MYBPC3: variants seen among roughly 807,000 people sequenced by gnomAD.
MYBPC3 encodes the protein myosin binding protein C3, also known as myosin-binding protein C, cardiac-type.
A neutral mutation model predicts 159.3 loss-of-function variants in MYBPC3; 108 were observed. The observed-to-expected ratio is 0.68, with a 90% CI of 0.58 to 0.80. MYBPC3 has a LOEUF of 0.80. MYBPC3 is among the 30% of genes least tolerant of loss of function. The pLI, the probability that MYBPC3 is intolerant of heterozygous loss-of-function variation, is 0.00. For synonymous variants in MYBPC3, 730 were observed against 702.0 expected (o/e 1.04, Z -0.63); for missense variants, 1,631 against 1,762.1 (o/e 0.93, Z 1.33).
chr11:47,336,054 G>T (rs749417540), intron 25 of MYBPC3, 43 bp from the exon 26 acceptor site: 15 of 1,393,920 alleles, frequency 1.1e-5, no homozygotes, highest in Non-Finnish European at 1.4e-5. Context: ...GCAAGCCTGG[G>T]GAAGCTGGAG....
chr11:47,334,000 C>A lies in MYBPC3; in HGVS notation c.2916G>T (p.Arg972=). The change falls in exon 28 of 35, where the codon CGG becomes CGT. Residue 972 remains arginine, a synonymous_variant. Coordinates refer to ENST00000545968, the MANE Select transcript of MYBPC3 (RefSeq NM_000256.3). ...VTVQEILQRP[R]LQLPRHLRQT... is the part of the protein sequence containing the mutation. ...GGCGCAGGTGCCTGGGCAGCTGAAGCCGTGGCCGTTCTGTGGGTATAGAGT... is the reference window on the plus strand; with the variant it reads ...GGCGCAGGTGCCTGGGCAGCTGAAGACGTGGCCGTTCTGTGGGTATAGAGT... 1 of 1,577,610 alleles carries A rather than the reference C, an allele frequency of 6.3e-7. No individual in the cohort carries two copies. The highest frequency in any genetic ancestry group is 8.6e-7 in the Non-Finnish European group (1 of 1,161,966).
At position 47,345,428 on chromosome 11, in the gene MYBPC3, C is replaced by T. The variant is rs752634166; in HGVS notation, c.1090+779G>A. On this transcript the variant is annotated intron_variant, in intron 12 of 34. Transcript: ENST00000545968. Reference sequence around the variant, plus strand: ...GGGAGGGACTAACCAGCTCCTCTCCCCGTCCCCATGATCGTGTGTGTTTTG... The same window carrying T: ...GGGAGGGACTAACCAGCTCCTCTCCTCGTCCCCATGATCGTGTGTGTTTTG... Among the ~76,000 whole-genome samples, 70 of 152,286 alleles carry T rather than the reference C, an allele frequency of 4.6e-4. 1 individual carries two copies. Among genetic ancestry groups the T allele is most frequent in the Non-Finnish European group, 1.0e-4 (7 of 68,014 alleles).
rs779493486 is a variant in MYBPC3, at chr11:47,350,073, G to C, written c.446C>G (p.Ala149Gly). 2 of 1,562,080 alleles carry C rather than the reference G, an allele frequency of 1.3e-6. No homozygotes were observed. Among genetic ancestry groups the C allele is most frequent in the Non-Finnish European group, 1.7e-6 (2 of 1,152,818 alleles). ...SAALNGPTPGAPDDPIGLFVM... is the reference protein window; with the variant it reads ...SAALNGPTPGGPDDPIGLFVM... ...GAAGAGGCCAATGGGGTCATCGGGG[G>C]CTCCAGGGGTAGGACCATTGAGAGC... The change falls in exon 4 of 35, where the codon GCC (alanine) becomes GGC (glycine). Residue 149 changes from alanine to glycine, a missense_variant. Ala to Gly is a moderately conservative substitution (Grantham distance 60). Coordinates refer to ENST00000545968, the MANE Select transcript of MYBPC3 (RefSeq NM_000256.3).
At chr11:47,340,677 A>G (rs1223355334) in intron 20 of MYBPC3, among the ~76,000 whole-genome samples, 2 of 152,192 alleles carry the variant, frequency 1.3e-5, no homozygotes, top group African/African-American at 4.8e-5. Flanking sequence ...AAAAAAAATA[A>G]AAATAAAAAA....
At chr11:47,349,625 GC>G (rs956481366) in intron 5 of MYBPC3, 148 bp downstream of exon 5, 1 of 1,186,118 alleles carries the variant, frequency 8.4e-7, no homozygotes, top group African/African-American at 1.5e-5. Flanking sequence ...TGGGCCCCTG[GC>G]CCCTCCACCT....
intron 17 of MYBPC3, 102 bp downstream of exon 17, chr11:47,342,476 G>A (rs145626782): frequency 6.6e-6 from 9 of 1,364,454 alleles, no homozygotes; most frequent in African/African-American, 4.4e-5. Context: ...AGGTCACAGA[G>A]GCCTTGAGCC....
chr11:47,339,654 C>A lies in MYBPC3; in HGVS notation c.2064G>T (p.Thr688=), dbSNP rs758224257. 2 of 1,594,128 alleles carry A rather than the reference C, an allele frequency of 1.3e-6. No individual in the cohort carries two copies. The highest frequency in any genetic ancestry group is 8.6e-7 in the Non-Finnish European group (1 of 1,169,018). The change falls in exon 21 of 35, where the codon ACG becomes ACT. Residue 688 remains threonine, a synonymous_variant. Coordinates refer to ENST00000545968, the MANE Select transcript of MYBPC3 (RefSeq NM_000256.3). ...APTVIWQKAI[T]QGNKAPARPA... ...ACTGAGGAGGGACCCACAGTACCTG[C>A]GTGATAGCCTTCTGCCAGATCACAG... is the stretch of plus-strand genomic sequence containing the variant.
chr11:47,341,975 T>C lies in MYBPC3; in HGVS notation c.1790+16A>G. ...TCAGTCTCCACCTGTCCCATCCACC[T>C]GCCCTGCACACTCACCGCCCGATGT... On this transcript the variant is annotated intron_variant, in intron 18 of 34. Transcript: ENST00000545968. 1 of 1,553,712 alleles carries C rather than the reference T, an allele frequency of 6.4e-7. No homozygotes were observed. Among genetic ancestry groups the C allele is most frequent in the Non-Finnish European group, 8.7e-7 (1 of 1,147,766 alleles).
intron 5 of MYBPC3, among the ~76,000 whole-genome samples, chr11:47,348,927 T>TATATATATATATATATA (rs1555123220): frequency 7.1e-4 from 89 of 126,220 alleles, no homozygotes; most frequent in Middle Eastern, 4.0e-3. Context: ...TATATATATA[T>TATATATATATATATATA]TTAAAGGAGG....
Position 47,348,516 on chromosome 11 carries a change from G to A in MYBPC3, c.680C>T (p.Thr227Ile). The change falls in exon 6 of 35, where the codon ACC (threonine) becomes ATC (isoleucine). Residue 227 changes from threonine (T) to isoleucine (I), a missense_variant. Transcript: ENST00000545968. ...SKVYLFELHI[T>I]DAQPAFTGSY... ...GCCAGTGAAGGCAGGCTGGGCATCG[G>A]TGATGTGCAGCTCGAACAGATAGAC... The A allele has an allele frequency of 6.2e-7, 1 of 1,613,212 alleles. No homozygotes were observed. The highest frequency in any genetic ancestry group is 8.5e-7 in the Non-Finnish European group (1 of 1,179,542).
intron 2 of MYBPC3, 28 bp from the exon 3 acceptor site, chr11:47,350,643 T>C (rs2095899834): frequency 6.9e-7 from 1 of 1,449,970 alleles, no homozygotes; most frequent in South Asian, 1.5e-5. Flanking sequence ...GGAGTCGTGG[T>C]GCAGCCACTA....
Position 47,351,525 on chromosome 11 carries a change from C to T in MYBPC3, c.26-20G>A. ...CTGAGACTGAAGGGCCAGGTGGAGG[C>T]TACAGCGGCCCCTGGTTGGAGCGTG... On this transcript the variant is annotated intron_variant, in intron 1 of 34. Coordinates refer to ENST00000545968, the MANE Select transcript of MYBPC3 (RefSeq NM_000256.3). This position sits in a 1 kb window ranked among gnomAD's most constrained non-coding sequence, Gnocchi z 4.2. 1 of 1,562,422 alleles carries T rather than the reference C, an allele frequency of 6.4e-7. No individual in the cohort carries two copies. Among genetic ancestry groups the T allele is most frequent in the Non-Finnish European group, 8.7e-7 (1 of 1,149,552 alleles).
At chr11:47,339,258 C>T (rs1290049007) in intron 22 of MYBPC3, 66 bp downstream of exon 22, 2 of 1,559,322 alleles carry the variant, frequency 1.3e-6, no homozygotes, top group African/African-American at 1.4e-5. Context: ...GCCAAGGGCT[C>T]GGCACCACGT....
Position 47,333,223 on chromosome 11 carries a change from T to C in MYBPC3, c.3301A>G (p.Thr1101Ala), listed in dbSNP as rs2095878980. 6.3e-7 allele frequency: 1 copy of C among 1,598,874 alleles called. No homozygotes were observed. The highest frequency in any genetic ancestry group is 8.5e-7 in the Non-Finnish European group (1 of 1,172,550). Residue 1101 changes from threonine (T) to alanine (A), a missense_variant, in exon 30 of 35, where the codon ACA (threonine) becomes GCA (alanine). Transcript: ENST00000545968. Reference sequence around the variant, plus strand: ...GTCTTCTTGTCGGCTTTCTGCACTGTGTACCCCCAGAGCTCCGTGTTGCCG... The same window carrying C: ...GTCTTCTTGTCGGCTTTCTGCACTGCGTACCCCCAGAGCTCCGTGTTGCCG... ...DVGNTELWGYTVQKADKKTME... is the reference protein window; with the variant it reads ...DVGNTELWGYAVQKADKKTME...
chr11:47,341,867 C>T, intron 18 of MYBPC3, 124 bp downstream of exon 18: 1 of 1,313,552 alleles, frequency 7.6e-7, no homozygotes, highest in Non-Finnish European at 1.0e-6. Flanking sequence ...AGTCTCTGTC[C>T]TGTCTCTGTG....
At chr11:47,350,368 G>T (rs961545800) in intron 3 of MYBPC3, 134 bp downstream of exon 3, 3 of 1,418,988 alleles carry the variant, frequency 2.1e-6, no homozygotes, top group East Asian at 5.0e-5. Flanking sequence ...CTCATGATCC[G>T]CCCACCTCGG....
chr11:47,337,774 C>A lies in MYBPC3; in HGVS notation c.2329G>T (p.Ala777Ser). 1 of 1,552,504 alleles carries A rather than the reference C, an allele frequency of 6.4e-7. No individual in the cohort carries two copies. The highest frequency in any genetic ancestry group is 8.7e-7 in the Non-Finnish European group (1 of 1,147,878). Reference protein sequence around the residue: ...KVIDVPDAPAAPKISNVGEDS... With the variant: ...KVIDVPDAPASPKISNVGEDS... ...TCTCCCACGTTGCTGATCTTGGGGG[C>A]CGCAGGTGCGTCTGGCACGTCTGGA... The change falls in exon 24 of 35, where the codon GCC (alanine) becomes TCC (serine). Residue 777 changes from alanine (A) to serine (S), a missense_variant. Transcript: ENST00000545968.
intron 1 of MYBPC3, among the ~76,000 whole-genome samples, chr11:47,352,192 G>A (rs73453709): frequency 0.015 from 2,236 of 152,188 alleles, 32 homozygotes; most frequent in African/African-American, 0.039. Flanking sequence ...CACCACCCCC[G>A]GCACCCCAGG....
chr11:47,332,157 G>T lies in MYBPC3; in HGVS notation c.3729C>A (p.Pro1243=). 6.2e-7 allele frequency: 1 copy of T among 1,613,822 alleles called. No individual in the cohort carries two copies. The highest frequency in any genetic ancestry group is 8.5e-7 in the Non-Finnish European group (1 of 1,179,904). The change falls in exon 33 of 35, where the codon CCC becomes CCA. Residue 1243 remains proline (P), a synonymous_variant. Transcript: ENST00000545968. This position sits in a 1 kb window ranked among gnomAD's most constrained non-coding sequence, Gnocchi z 4.2. ...QGVLTLEIRK[P]CPFDGGIYVC... ...CATAGATGCCCCCGTCAAAGGGGCA[G>T]GGCTTTCTAATCTCCAGAGTCAACA...
Sources: allele counts gnomAD v4.1 joint callset (sites outside exome capture counted in the v4.1 genomes callset), GRCh38; gene constraint gnomAD v4.1.1; non-coding constraint Gnocchi (gnomAD v3.1); transcripts MANE v1.5; gene names NCBI Gene and HGNC (gene_info 2026-07-23, HGNC 2026-07-21).